The following TRPC4 variants were observed in gnomAD, a reference collection of about 807,000 sequenced individuals.
TRPC4 encodes the protein transient receptor potential cation channel subfamily C member 4, also known as short transient receptor potential channel 4.
A neutral mutation model predicts 99.4 loss-of-function variants in TRPC4; 49 were observed. The ratio of observed to expected loss-of-function variants is 0.49; its 90% CI spans 0.39 to 0.63. The LOEUF (loss-of-function observed/expected upper bound fraction) is 0.63. Ranked by LOEUF, TRPC4 falls within the 20% of genes least tolerant of loss-of-function variation. The pLI, the probability that TRPC4 is intolerant of heterozygous loss-of-function variation, is 0.00. For missense variants in TRPC4, 898 were observed against 1,152.9 expected (o/e 0.78, Z 3.20); for synonymous variants, 454 against 425.9 (o/e 1.07, Z -0.81).
chr13:37,850,879 C>A (rs1053136231), intron 1 of TRPC4, among the ~76,000 whole-genome samples: 1 of 152,102 alleles, frequency 6.6e-6, no homozygotes, highest in Non-Finnish European at 1.5e-5. Context: ...TTTGTCAAGG[C>A]AACAAGAACA....
rs182183319 is a variant in TRPC4, at chr13:37,707,380, A to G, written c.898-15045T>C. Among the ~76,000 whole-genome samples, 5 of 152,250 alleles carry G rather than the reference A, an allele frequency of 3.3e-5. No individual in the cohort carries two copies. In the East Asian group the frequency reaches 9.6e-4, roughly 29 times the overall value. Reference sequence around the variant, plus strand: ...TGTTCCAAGATGTAAATATACCCTCAAACTCCATTTCACTAAGTTATAAAC... The same window carrying G: ...TGTTCCAAGATGTAAATATACCCTCGAACTCCATTTCACTAAGTTATAAAC... On this transcript the variant is annotated intron_variant, in intron 3 of 10. Transcript: ENST00000379705.
intron 2 of TRPC4, among the ~76,000 whole-genome samples, chr13:37,777,693 G>C (rs1039272561): frequency 2.0e-5 from 3 of 152,010 alleles, no homozygotes; most frequent in Non-Finnish European, 4.4e-5. Context: ...TAGGAAGACA[G>C]AGATAATGGC....
chr13:37,663,261 CTAT>C (rs1212324427), intron 6 of TRPC4, among the ~76,000 whole-genome samples, 152 bp downstream of exon 6: 1 of 152,142 alleles, frequency 6.6e-6, no homozygotes, highest in African/African-American at 2.4e-5. Flanking sequence ...GTTTTCATTT[CTAT>C]TCAAAGCCAT....
At chr13:37,647,021 A>C (rs1296696878) in intron 8 of TRPC4, among the ~76,000 whole-genome samples, 1 of 152,230 alleles carries the variant, frequency 6.6e-6, no homozygotes, top group Non-Finnish European at 1.5e-5. Context: ...CAACCATTAA[A>C]TGAAGTCCAG....
At chr13:37,758,827 A>T (rs1472321588) in intron 2 of TRPC4, among the ~76,000 whole-genome samples, 1 of 151,636 alleles carries the variant, frequency 6.6e-6, no homozygotes, top group South Asian at 2.1e-4. Flanking sequence ...AAAAAATAAA[A>T]CCTTATAGGG....
chr13:37,718,585 T>C (rs550642207), intron 3 of TRPC4, among the ~76,000 whole-genome samples: 1 of 152,100 alleles, frequency 6.6e-6, no homozygotes, highest in Non-Finnish European at 1.5e-5. Flanking sequence ...ATAGAAATTA[T>C]AAAACAGCAA....
intron 1 of TRPC4, among the ~76,000 whole-genome samples, chr13:37,826,891 C>T (rs2139570072): frequency 6.6e-6 from 1 of 152,218 alleles, no homozygotes; most frequent in African/African-American, 2.4e-5. Context: ...TCCATTCTCT[C>T]CACCACTTTC....
intron 3 of TRPC4, among the ~76,000 whole-genome samples, chr13:37,703,793 A>G (rs1954179388): frequency 6.6e-6 from 1 of 152,186 alleles, no homozygotes; most frequent in African/African-American, 2.4e-5. Flanking sequence ...TTTTTAAATT[A>G]AATATACATC....
chr13:37,783,412 T>TCAA, intron 1 of TRPC4, 52 bp from the exon 2 acceptor site: 1 of 1,396,900 alleles, frequency 7.2e-7, no homozygotes, highest in Non-Finnish European at 9.5e-7. Flanking sequence ...GCTTTTAAAA[T>TCAA]TGTTAAGCAT....
chr13:37,826,081 G>C, intron 1 of TRPC4, among the ~76,000 whole-genome samples: 1 of 134,584 alleles, frequency 7.4e-6, no homozygotes, highest in East Asian at 2.6e-4. Context: ...TTTTATCAGA[G>C]ACTAGGATTG....
intron 3 of TRPC4, among the ~76,000 whole-genome samples, chr13:37,702,339 A>T (rs1954126664): frequency 6.6e-6 from 1 of 152,324 alleles, no homozygotes; most frequent in East Asian, 1.9e-4. Context: ...TTTGCCAGAT[A>T]CAATTTAAAC....
chr13:37,685,840 T>C (rs947090983), intron 4 of TRPC4, among the ~76,000 whole-genome samples: 2 of 152,156 alleles, frequency 1.3e-5, no homozygotes, highest in Non-Finnish European at 2.9e-5. Context: ...ACACAATAAC[T>C]GAAATCTTCA....
At position 37,743,223 on chromosome 13, in the gene TRPC4, A is replaced by G. The variant is rs149756184; in HGVS notation, c.897+2714T>C. On this transcript the variant is annotated intron_variant, in intron 3 of 10. Transcript: ENST00000379705. ...AAAGTGTCTTTTAAAAAATAGCACC[A>G]ATTCTTATTTTTTTGTTACATGCTA... is the stretch of plus-strand genomic sequence containing the variant. Among the ~76,000 whole-genome samples, 622 of 152,246 alleles carry G rather than the reference A, an allele frequency of 4.1e-3. 4 individuals carry two copies. The highest frequency in any genetic ancestry group is 7.0e-3 in the Non-Finnish European group (474 of 67,992).
intron 4 of TRPC4, among the ~76,000 whole-genome samples, chr13:37,682,975 G>A (rs1423147598): frequency 6.8e-6 from 1 of 146,800 alleles, no homozygotes; most frequent in African/African-American, 2.6e-5. Flanking sequence ...ATGTTGGCCA[G>A]GCTGGTCTTG....
intron 8 of TRPC4, among the ~76,000 whole-genome samples, chr13:37,643,772 A>T (rs375504571): frequency 6.6e-6 from 1 of 152,272 alleles, no homozygotes; most frequent in African/African-American, 2.4e-5. Flanking sequence ...GTTGAGTGAC[A>T]TGTGATGAAA....
At chr13:37,814,642 C>T (rs1050259591) in intron 1 of TRPC4, among the ~76,000 whole-genome samples, 2 of 151,668 alleles carry the variant, frequency 1.3e-5, no homozygotes, top group Non-Finnish European at 3.0e-5. Context: ...TAGTGAATGA[C>T]TTGTACACAA....
intron 4 of TRPC4, among the ~76,000 whole-genome samples, chr13:37,690,644 T>C (rs1450827272): frequency 2.6e-5 from 4 of 152,324 alleles, no homozygotes; most frequent in East Asian, 3.9e-4. Context: ...TTACCCACTT[T>C]AGATTAATGA....
chr13:37,825,416 A>G (rs1448808442), intron 1 of TRPC4, among the ~76,000 whole-genome samples: 2 of 151,938 alleles, frequency 1.3e-5, no homozygotes, highest in African/African-American at 2.4e-5. Flanking sequence ...ATTTAGTGCT[A>G]TAAATTTCCC....
At chr13:37,740,591 C>G (rs1214555615) in intron 3 of TRPC4, among the ~76,000 whole-genome samples, 1 of 152,116 alleles carries the variant, frequency 6.6e-6, no homozygotes, top group Non-Finnish European at 1.5e-5. Context: ...TGCACTGTAA[C>G]TCTCACCCGA....
Sources: gnomAD v4.1 joint callset for allele counts (sites outside exome capture counted in the v4.1 genomes callset) on GRCh38, gnomAD v4.1.1 for gene constraint, MANE v1.5 for transcripts, NCBI Gene and HGNC (gene_info 2026-07-23, HGNC 2026-07-21) for gene names.